The following B4GALT1 variants were observed in gnomAD, a reference collection of about 807,000 sequenced individuals.
The protein encoded by B4GALT1 is beta-1,4-galactosyltransferase 1.
Under a neutral mutation model 34.9 loss-of-function variants are expected in B4GALT1, and 16 were observed. That is an observed-to-expected ratio of 0.46 (90% CI 0.31 to 0.70). The LOEUF (loss-of-function observed/expected upper bound fraction) is 0.70. Among genes scored for constraint, B4GALT1 ranks in the 30% least tolerant of loss-of-function variants. The pLI is 0.05. For synonymous variants in B4GALT1, 221 were observed against 218.1 expected (o/e 1.01, Z -0.12); for missense variants, 445 against 530.5 (o/e 0.84, Z 1.58).
rs1463393133 is a variant in B4GALT1 at position 33,111,657 on chromosome 9, T to C, written c.*1797A>G. The C allele has an allele frequency of 6.5e-6, 1 of 152,680 alleles. No individual in the cohort carries two copies. Among genetic ancestry groups the C allele is most frequent in the East Asian group, 1.9e-4 (1 of 5,204 alleles). 9.5% of individuals were successfully genotyped at this position (152,680 alleles called of 1,614,324 possible). A position where few individuals can be genotyped will look rare whatever the true frequency, so the allele number is the denominator to read the frequency against. On this transcript the variant is annotated 3_prime_UTR_variant, in exon 6 of 6. Transcript: ENST00000379731. The stretch of plus-strand genomic sequence containing the variant: ...CCAGCTCAGCCTCCACACTGAGGGC[T>C]GGTACCCAGGAGGGCAGTGGTTTGG...
the B4GALT1 span, among the ~76,000 whole-genome samples, chr9:33,173,789 T>C: frequency 6.6e-6 from 1 of 152,140 alleles, no homozygotes; most frequent in African/African-American, 2.4e-5. Flanking sequence ...AAGATGAACC[T>C]GGAAACTCTT....
chr9:33,108,020 T>A (rs1173373034), downstream of B4GALT1, among the ~76,000 whole-genome samples: 1 of 152,212 alleles, frequency 6.6e-6, no homozygotes, highest in East Asian at 1.9e-4. Flanking sequence ...TGTGCATATG[T>A]ATATCTGTGC....
At chr9:33,173,950 AAACTAT>A in the B4GALT1 span, among the ~76,000 whole-genome samples, 1 of 152,248 alleles carries the variant, frequency 6.6e-6, no homozygotes, top group African/African-American at 2.4e-5. Flanking sequence ...TGAACAAAAT[AAACTAT>A]GAGTCCATAA....
At chr9:33,133,660 A>C (rs946111253) in intron 2 of B4GALT1, among the ~76,000 whole-genome samples, 1 of 152,200 alleles carries the variant, frequency 6.6e-6, no homozygotes, top group African/African-American at 2.4e-5. Context: ...TCTTGCTTGC[A>C]GGTGTTCATA....
chr9:33,167,056 G>A lies in B4GALT1; in HGVS notation c.114C>T (p.Leu38=), dbSNP rs968570114. The A allele has an allele frequency of 2.5e-6, 4 of 1,602,330 alleles. No individual in the cohort carries two copies. The highest frequency in any genetic ancestry group is 1.7e-5 in the Admixed American group (1 of 59,754). ...AVCALHLGVT[L]VYYLAGRDLS... is the part of the protein sequence containing the mutation. ...GGTCGCGGCCAGCCAGGTAGTAAAC[G>A]AGGGTGACGCCAAGGTGCAGAGCGC... Residue 38 remains leucine, a synonymous_variant, in exon 1 of 6, where the codon CTC becomes CTT. Transcript: ENST00000379731.
the B4GALT1 span, chr9:33,179,642 T>C: frequency 6.6e-6 from 1 of 152,268 alleles, no homozygotes; most frequent in African/African-American, 2.4e-5. Context: ...GAAACTGTAT[T>C]TCAAATTTTG....
intron 3 of B4GALT1, among the ~76,000 whole-genome samples, chr9:33,118,838 G>C (rs191402171): frequency 9.9e-5 from 15 of 152,104 alleles, no homozygotes; most frequent in Admixed American, 5.9e-4. Flanking sequence ...GGAAGGAAAG[G>C]GTTTTGTTAT....
intron 1 of B4GALT1, among the ~76,000 whole-genome samples, chr9:33,138,225 CAGG>C (rs564535071): frequency 2.5e-4 from 38 of 152,196 alleles, no homozygotes; most frequent in Non-Finnish European, 5.0e-4. Flanking sequence ...GAGCCCCGGA[CAGG>C]AGAAGAGATG....
intron 1 of B4GALT1, among the ~76,000 whole-genome samples, chr9:33,152,304 C>A (rs1288434892): frequency 2.1e-5 from 3 of 141,052 alleles, no homozygotes; most frequent in Non-Finnish European, 3.1e-5. Flanking sequence ...ACTCCCTCTC[C>A]AAAAAATAAC....
At chr9:33,128,653 T>C (rs546771237) in intron 2 of B4GALT1, among the ~76,000 whole-genome samples, 10 of 152,156 alleles carry the variant, frequency 6.6e-5, no homozygotes, top group Non-Finnish European at 7.4e-5. Flanking sequence ...GGACCAGCCC[T>C]ACCCCACTCC....
chr9:33,153,639 C>A (rs181383440), intron 1 of B4GALT1, among the ~76,000 whole-genome samples: 57 of 152,210 alleles, frequency 3.7e-4, no homozygotes, highest in African/African-American at 1.2e-3. Flanking sequence ...TTGGAAGACA[C>A]AAACTATCAA....
At chr9:33,121,134 T>A (rs1468572836) in intron 2 of B4GALT1, among the ~76,000 whole-genome samples, 14 of 152,228 alleles carry the variant, frequency 9.2e-5, no homozygotes, top group Admixed American at 7.2e-4. Context: ...GACCACATTG[T>A]GTGCCTTCCA....
At chr9:33,153,764 C>T (rs997804224) in intron 1 of B4GALT1, among the ~76,000 whole-genome samples, 1 of 151,972 alleles carries the variant, frequency 6.6e-6, no homozygotes, top group African/African-American at 2.4e-5. Flanking sequence ...TACTGGTGAA[C>T]GCTACCAGAT....
upstream of B4GALT1, among the ~76,000 whole-genome samples, chr9:33,171,535 A>G (rs1840840804): frequency 6.6e-6 from 1 of 152,216 alleles, no homozygotes; most frequent in Admixed American, 6.5e-5. Flanking sequence ...TTCAAGGGGA[A>G]TAAAACTGGC....
At chr9:33,164,061 G>A (rs2118326565) in intron 1 of B4GALT1, among the ~76,000 whole-genome samples, 1 of 152,262 alleles carries the variant, frequency 6.6e-6, no homozygotes, top group South Asian at 2.1e-4. Context: ...CAACCCATCA[G>A]CAGTCCAATC....
chr9:33,147,401 C>CCA (rs370184033), intron 1 of B4GALT1, among the ~76,000 whole-genome samples: 16 of 152,102 alleles, frequency 1.1e-4, no homozygotes, highest in African/African-American at 3.6e-4. Context: ...GCACCTGCCA[C>CCA]CACGCCCAGC....
At chr9:33,175,585 C>T in the B4GALT1 span, among the ~76,000 whole-genome samples, 2 of 152,176 alleles carry the variant, frequency 1.3e-5, no homozygotes, top group East Asian at 1.9e-4. Flanking sequence ...TATAATAAAG[C>T]TGCCCTGTAC....
At chr9:33,155,232 T>C (rs1840579273) in intron 1 of B4GALT1, among the ~76,000 whole-genome samples, 1 of 152,024 alleles carries the variant, frequency 6.6e-6, no homozygotes, top group Non-Finnish European at 1.5e-5. Flanking sequence ...ATTCAGTAGG[T>C]TGGAAAGAGA....
intron 1 of B4GALT1, among the ~76,000 whole-genome samples, chr9:33,141,223 G>A (rs1040725837): frequency 6.6e-6 from 1 of 152,148 alleles, no homozygotes; most frequent in Non-Finnish European, 1.5e-5. Flanking sequence ...AGGTCTTTGA[G>A]GCTGGGCATG....
Sources: gnomAD v4.1 joint callset for allele counts (sites outside exome capture counted in the v4.1 genomes callset) on GRCh38, gnomAD v4.1.1 for gene constraint, MANE v1.5 for transcripts, NCBI Gene and HGNC (gene_info 2026-07-23, HGNC 2026-07-21) for gene names.